Variants in PDE4D observed in about 807,000 individuals in gnomAD.
PDE4D encodes 3',5'-cyclic-AMP phosphodiesterase 4D.
PDE4D carries 24 observed loss-of-function variants against 87.4 expected under a neutral mutation model. That is an observed-to-expected ratio of 0.27 (90% CI 0.20 to 0.39). The LOEUF is 0.39. Among genes scored for constraint, PDE4D ranks in the 10% least tolerant of loss-of-function variants. PDE4D has a pLI of 1.00. For synonymous variants in PDE4D, 384 were observed against 383.2 expected (o/e 1.00, Z -0.02); for missense variants, 714 against 1,041.0 (o/e 0.69, Z 4.32).
chr5:59,994,502 GT>G (rs1381379379), intron 2 of PDE4D, among the ~76,000 whole-genome samples: 1 of 152,066 alleles, frequency 6.6e-6, no homozygotes, highest in African/African-American at 2.4e-5. Flanking sequence ...GTCAGTGAGT[GT>G]TACATTACAT....
chr5:60,044,963 T>A (rs1000308512), intron 2 of PDE4D, among the ~76,000 whole-genome samples: 22 of 152,324 alleles, frequency 1.4e-4, no homozygotes, highest in African/African-American at 5.3e-4. Context: ...ATGGTTGAAC[T>A]AGTTTACAGT....
At chr5:59,271,266 T>C (rs1178655699) in intron 1 of PDE4D, among the ~76,000 whole-genome samples, 3 of 152,154 alleles carry the variant, frequency 2.0e-5, no homozygotes, top group Admixed American at 6.5e-5. Flanking sequence ...CTTGAACTCC[T>C]GGCCTCAGGC....
chr5:59,930,157 C>A, intron 3 of PDE4D, among the ~76,000 whole-genome samples: 1 of 98,110 alleles, frequency 1.0e-5, no homozygotes. Context: ...AGCGAGACTC[C>A]GTCTCCAAAA....
intron 1 of PDE4D, among the ~76,000 whole-genome samples, chr5:59,868,216 G>A (rs1252741881): frequency 1.3e-5 from 2 of 152,044 alleles, no homozygotes; most frequent in African/African-American, 2.4e-5. Flanking sequence ...TCTTAAAACT[G>A]AGACAATTAT....
Position 60,237,742 on chromosome 5 carries a change from T to C in PDE4D, c.-89-52055A>G, listed in dbSNP as rs111947471. ...AATCTACACATGTAACAAAATGACA[T>C]AGAGCTACACAAACACATGAGATCA... On this transcript the variant is annotated intron_variant, in intron 1 of 16. Coordinates refer to the PDE4D transcript ENST00000502484. Among the ~76,000 whole-genome samples the C allele has an allele frequency of 1.5e-3, 228 of 152,060 alleles. 2 individuals carry two copies. Among genetic ancestry groups the C allele is most frequent in the African/African-American group, 5.3e-3 (218 of 41,520 alleles).
chr5:59,840,650 A>G (rs1239848545), intron 1 of PDE4D, among the ~76,000 whole-genome samples: 1 of 152,054 alleles, frequency 6.6e-6, no homozygotes, highest in Non-Finnish European at 1.5e-5. Flanking sequence ...TGTCCTAAAC[A>G]ATTTGAGAGA....
intron 2 of PDE4D, among the ~76,000 whole-genome samples, chr5:59,992,429 T>C (rs1763108866): frequency 2.6e-5 from 4 of 152,226 alleles, no homozygotes; most frequent in Admixed American, 2.6e-4. Flanking sequence ...CTTTCACATA[T>C]ACATGTATCC....
At chr5:59,775,334 G>T (rs1763971517) in intron 1 of PDE4D, among the ~76,000 whole-genome samples, 1 of 151,998 alleles carries the variant, frequency 6.6e-6, no homozygotes, top group African/African-American at 2.4e-5. Context: ...ATCTGTACTA[G>T]ATCATCCCTT....
At chr5:60,216,492 A>G (rs1016948967) in intron 1 of PDE4D, among the ~76,000 whole-genome samples, 4 of 152,146 alleles carry the variant, frequency 2.6e-5, no homozygotes, top group African/African-American at 9.6e-5. Context: ...CAATCAAATG[A>G]CAAATTGGCA....
In PDE4D at chr5:59,438,964, A is replaced by T. The variant is rs972652440; in HGVS notation, c.456-222996T>A. 3.3e-5 allele frequency among the ~76,000 whole-genome samples: 5 copies of T among 152,358 alleles called. No individual in the cohort carries two copies. The East Asian group carries it at 9.6e-4, about 29-fold the overall frequency. On this transcript the variant is annotated intron_variant, in intron 1 of 14. Coordinates refer to ENST00000340635, the MANE Select transcript of PDE4D (RefSeq NM_001104631.2). ...AAGTTGTCTCCTTGTATTTAAATCC[A>T]TACAGCAGTGAAATATCATTGTCAT...
intron 6 of PDE4D, among the ~76,000 whole-genome samples, chr5:58,996,809 A>G (rs536793213): frequency 6.6e-6 from 1 of 152,304 alleles, no homozygotes; most frequent in South Asian, 2.1e-4. Flanking sequence ...TCACCAAAAT[A>G]GCCAGTTAGT....
At chr5:60,475,992 T>C (rs996383976) in intron 1 of PDE4D, among the ~76,000 whole-genome samples, 2 of 152,160 alleles carry the variant, frequency 1.3e-5, no homozygotes, top group East Asian at 1.9e-4. Flanking sequence ...TATCCTTCAC[T>C]ATCCCTCAGG....
chr5:59,536,042 A>G (rs1815157678), intron 1 of PDE4D, among the ~76,000 whole-genome samples: 1 of 152,232 alleles, frequency 6.6e-6, no homozygotes, highest in South Asian at 2.1e-4. Flanking sequence ...CTTAAAGAAT[A>G]GTGTCTGAAA....
chr5:60,031,804 AAG>A (rs1482420143), intron 2 of PDE4D, among the ~76,000 whole-genome samples: 3 of 152,126 alleles, frequency 2.0e-5, no homozygotes, highest in African/African-American at 7.2e-5. Flanking sequence ...ATGAGAGAGA[AAG>A]AGAAACAATG....
chr5:60,457,294 C>G (rs1412079328), intron 1 of PDE4D, among the ~76,000 whole-genome samples: 6 of 152,140 alleles, frequency 3.9e-5, no homozygotes, highest in African/African-American at 1.4e-4. Context: ...CTCCTGTTTT[C>G]TAATGTACTC....
chr5:60,314,145 A>T (rs1245270627), intron 1 of PDE4D, among the ~76,000 whole-genome samples: 1 of 152,110 alleles, frequency 6.6e-6, no homozygotes, highest in African/African-American at 2.4e-5. Context: ...AGAGGAAGTC[A>T]AACTATCTGT....
chr5:60,460,271 G>A (rs1437375721), intron 1 of PDE4D: 1 of 1,072,366 alleles, frequency 9.3e-7, no homozygotes, highest in African/African-American at 1.6e-5. Context: ...CTCTCATTCA[G>A]ATGAAATTCT....
chr5:60,249,272 C>G (rs890468176), intron 1 of PDE4D, among the ~76,000 whole-genome samples: 1 of 151,970 alleles, frequency 6.6e-6, no homozygotes, highest in Non-Finnish European at 1.5e-5. Flanking sequence ...CTCTCATGCC[C>G]ACACAGGGCT....
intron 1 of PDE4D, among the ~76,000 whole-genome samples, chr5:59,334,247 GTT>G (rs564248041): frequency 1.7e-3 from 163 of 98,604 alleles, no homozygotes; most frequent in African/African-American, 6.5e-3. Context: ...ATCCAGTGGA[GTT>G]TTTTTTTTTT....
Sources: gnomAD v4.1 joint callset for allele counts (sites outside exome capture counted in the v4.1 genomes callset) on GRCh38, gnomAD v4.1.1 for gene constraint, MANE v1.5 for transcripts, NCBI Gene and HGNC (gene_info 2026-07-23, HGNC 2026-07-21) for gene names.